Variants in TAFA1 observed in about 807,000 individuals in gnomAD.
TAFA1 encodes TAFA chemokine like family member 1.
TAFA1 carries 4 observed loss-of-function variants against 18.5 expected under a neutral mutation model. The ratio of observed to expected loss-of-function variants is 0.22; its 90% CI spans 0.11 to 0.49. The LOEUF (loss-of-function observed/expected upper bound fraction) is 0.49. Ranked by LOEUF, TAFA1 falls within the 20% of genes least tolerant of loss-of-function variation. The probability of loss-of-function intolerance (pLI) is 0.98; values close to 1 mark genes in which losing one functional copy is unlikely to be tolerated. For synonymous variants in TAFA1, 56 were observed against 55.2 expected, an observed-to-expected ratio of 1.01 and a Z score of -0.06; for missense variants, 147 against 169.0, an observed-to-expected ratio of 0.87 and a Z score of 0.72.
chr3:68,008,641 C>T (rs1704411347), intron 2 of TAFA1, among the ~76,000 whole-genome samples: 1 of 152,196 alleles, frequency 6.6e-6, no homozygotes, highest in East Asian at 1.9e-4. Context: ...GCGAAAATGC[C>T]TCTCGGTGCA....
chr3:68,323,871 G>C (rs1160955502), intron 2 of TAFA1, among the ~76,000 whole-genome samples: 1 of 152,194 alleles, frequency 6.6e-6, no homozygotes, highest in African/African-American at 2.4e-5. Flanking sequence ...GGGCAAGCCA[G>C]ATAGCAATCA....
At chr3:68,336,053 C>T (rs2068965049) in intron 2 of TAFA1, among the ~76,000 whole-genome samples, 1 of 152,184 alleles carries the variant, frequency 6.6e-6, no homozygotes, top group Admixed American at 6.5e-5. Context: ...GCTTGAAGCC[C>T]AGCACCACAC....
At chr3:68,060,853 C>G (rs1013024483) in intron 2 of TAFA1, among the ~76,000 whole-genome samples, 1 of 152,124 alleles carries the variant, frequency 6.6e-6, no homozygotes, top group African/African-American at 2.4e-5. Context: ...TTTGATTGCT[C>G]TTGTTAGTGG....
chr3:68,107,937 T>C (rs759559630), intron 2 of TAFA1, among the ~76,000 whole-genome samples: 1 of 152,112 alleles, frequency 6.6e-6, no homozygotes, highest in Admixed American at 6.6e-5. Flanking sequence ...TTCTGTTAAA[T>C]ACTTGTTAAG....
In TAFA1 at chr3:68,098,964, T is replaced by C. The variant is rs548348883; in HGVS notation, c.118+92220T>C. ...AGCTGGCAAACCTCATGCAGAGGGA[T>C]AAAACTGAACTCCTACTTCTCACCA... On this transcript the variant is annotated intron_variant, in intron 2 of 4. Transcript: ENST00000478136. Among the ~76,000 whole-genome samples the C allele has an allele frequency of 5.3e-5, 8 of 152,210 alleles. No homozygotes were observed. In the South Asian group the frequency reaches 1.5e-3, roughly 28 times the overall value.
intron 2 of TAFA1, among the ~76,000 whole-genome samples, chr3:68,091,405 C>G (rs1014910310): frequency 3.9e-5 from 6 of 152,126 alleles, no homozygotes; most frequent in African/African-American, 1.4e-4. Context: ...TATCCATTCT[C>G]ACTTCTCCAG....
chr3:68,539,478 G>T (rs1284976179), intron 4 of TAFA1, among the ~76,000 whole-genome samples: 1 of 152,030 alleles, frequency 6.6e-6, no homozygotes. Flanking sequence ...CAGCTAGCTA[G>T]ATATTAACCC....
At chr3:68,120,171 C>CTCTTTTTCTTTCTT (rs2065373666) in intron 2 of TAFA1, among the ~76,000 whole-genome samples, 63 of 84,440 alleles carry the variant, frequency 7.5e-4, no homozygotes, top group Non-Finnish European at 1.1e-3. Context: ...CTCTTTCTTT[C>CTCTTTTTCTTTCTT]TCTTTCTTTC....
chr3:68,454,694 G>T (rs2071625666), intron 3 of TAFA1, among the ~76,000 whole-genome samples: 2 of 152,008 alleles, frequency 1.3e-5, no homozygotes, highest in African/African-American at 4.8e-5. Context: ...TTCCCTCCTT[G>T]AGCCTCCACA....
At chr3:68,493,614 T>C (rs35836693) in intron 3 of TAFA1, among the ~76,000 whole-genome samples, 29,417 of 152,066 alleles carry the variant, frequency 0.19, 2,923 homozygotes, top group Non-Finnish European at 0.21. Context: ...TGAACAAGGG[T>C]TTCAATTTCT....
chr3:68,448,685 A>G (rs1373582693), intron 3 of TAFA1, among the ~76,000 whole-genome samples: 1 of 152,142 alleles, frequency 6.6e-6, no homozygotes, highest in African/African-American at 2.4e-5. Flanking sequence ...GAGTACTTCA[A>G]CTGTTAATGT....
chr3:68,237,317 C>T (rs933150954), intron 2 of TAFA1, among the ~76,000 whole-genome samples: 4 of 152,172 alleles, frequency 2.6e-5, no homozygotes, highest in African/African-American at 4.8e-5. Flanking sequence ...GGGCAGAGCT[C>T]TCATCACCTA....
intron 2 of TAFA1, among the ~76,000 whole-genome samples, chr3:68,358,262 A>T (rs962624595): frequency 6.6e-6 from 1 of 151,588 alleles, no homozygotes; most frequent in African/African-American, 2.4e-5. Context: ...ATTGATTTTT[A>T]TTTTTTTTAT....
intron 3 of TAFA1, among the ~76,000 whole-genome samples, chr3:68,438,762 G>A (rs947763924): frequency 3.3e-5 from 5 of 152,108 alleles, no homozygotes; most frequent in African/African-American, 1.2e-4. Flanking sequence ...TTTTCTGCAA[G>A]CCTGCAGAAT....
At chr3:68,516,315 G>A (rs1027727396) in intron 3 of TAFA1, among the ~76,000 whole-genome samples, 3 of 152,042 alleles carry the variant, frequency 2.0e-5, no homozygotes, top group African/African-American at 7.2e-5. Context: ...CAAATTCAGC[G>A]ATTAACTGTG....
chr3:68,355,622 G>C (rs780165120), intron 2 of TAFA1, among the ~76,000 whole-genome samples: 78 of 152,018 alleles, frequency 5.1e-4, no homozygotes, highest in Middle Eastern at 6.8e-3. Flanking sequence ...ATCCCAGACT[G>C]CGTCATAATT....
Position 68,219,280 on chromosome 3 carries a change from G to A in TAFA1, c.119-198000G>A, listed in dbSNP as rs569322346. On this transcript the variant is annotated intron_variant, in intron 2 of 4. Coordinates refer to ENST00000478136, the MANE Select transcript of TAFA1 (RefSeq NM_213609.4). ...ACACTTTTTAAAAGTATTTTAATTTGACAAAAACTATAACAAAATAAAACC... is the reference window on the plus strand; with the variant it reads ...ACACTTTTTAAAAGTATTTTAATTTAACAAAAACTATAACAAAATAAAACC... Among the ~76,000 whole-genome samples the A allele has an allele frequency of 2.3e-4, 35 of 151,986 alleles. 1 individual carries two copies. The highest frequency in any genetic ancestry group is 4.3e-4 in the Non-Finnish European group (29 of 67,980).
At chr3:68,412,711 C>G (rs1355773227) in intron 2 of TAFA1, among the ~76,000 whole-genome samples, 1 of 152,020 alleles carries the variant, frequency 6.6e-6, no homozygotes. Context: ...TGAATGCATC[C>G]TTTTTTATGG....
At chr3:68,293,323 C>T (rs1009173198) in intron 2 of TAFA1, among the ~76,000 whole-genome samples, 3 of 152,126 alleles carry the variant, frequency 2.0e-5, no homozygotes, top group African/African-American at 7.2e-5. Context: ...TGCAGCAAAC[C>T]ACCATGGCAC....
Sources: gnomAD v4.1 joint callset for allele counts (sites outside exome capture counted in the v4.1 genomes callset) on GRCh38, gnomAD v4.1.1 for gene constraint, MANE v1.5 for transcripts, NCBI Gene and HGNC (gene_info 2026-07-23, HGNC 2026-07-21) for gene names.